DNAH17: variants seen among roughly 807,000 people sequenced by gnomAD.
DNAH17 encodes the protein dynein axonemal heavy chain 17.
A neutral mutation model predicts 485.6 loss-of-function variants in DNAH17; 376 were observed. That is an observed-to-expected ratio of 0.77 (90% CI 0.71 to 0.84). The LOEUF (loss-of-function observed/expected upper bound fraction) is 0.84. Ranked by LOEUF, DNAH17 falls within the 40% of genes least tolerant of loss-of-function variation. The pLI, the probability that DNAH17 is intolerant of heterozygous loss-of-function variation, is 0.00. For missense variants in DNAH17, 6,370 were observed against 5,839.3 expected (o/e 1.09, Z -2.96); for synonymous variants, 3,031 against 2,405.9 (o/e 1.26, Z -7.60).
intron 55 of DNAH17, among the ~76,000 whole-genome samples, chr17:78,467,648 G>A (rs991332038): frequency 6.6e-6 from 1 of 152,200 alleles, no homozygotes; most frequent in Non-Finnish European, 1.5e-5. Context: ...CCCGCAAAGG[G>A]CAGCACCACT....
At chr17:78,463,153 C>T (rs2088226183) in intron 56 of DNAH17, 76 bp from the exon 57 acceptor site, 1 of 1,400,328 alleles carries the variant, frequency 7.1e-7, no homozygotes, top group Non-Finnish European at 9.9e-7. Flanking sequence ...CCAGACTCAC[C>T]AGGGGCCCTG....
intron 27 of DNAH17, among the ~76,000 whole-genome samples, chr17:78,509,642 C>T (rs2090578051): frequency 6.6e-6 from 1 of 152,088 alleles, no homozygotes; most frequent in Admixed American, 6.5e-5. Flanking sequence ...CTGGAACTGC[C>T]GGTAGCCAGT....
chr17:78,537,313 T>G lies in DNAH17; in HGVS notation c.2845A>C (p.Arg949=), dbSNP rs777348876. The change falls in exon 19 of 81, where the codon AGG becomes CGG. Residue 949 remains arginine, a synonymous_variant. Transcript: ENST00000389840. The stretch of plus-strand genomic sequence containing the variant: ...CCAGGACTGACCTTGTAGTTCATCC[T>G]GTCCTTGGCCAGCCGAGGGATGAGC... ...ARLIPRLAKD[R]MNYKMDLEDN... is the part of the protein sequence containing the mutation. 1.9e-6 allele frequency: 3 copies of G among 1,568,778 alleles called. No homozygotes were observed. Among genetic ancestry groups the G allele is most frequent in the Admixed American group, 3.8e-5 (2 of 53,264 alleles).
chr17:78,444,859 C>T, intron 70 of DNAH17, 62 bp from the exon 71 acceptor site: 1 of 1,461,250 alleles, frequency 6.8e-7, no homozygotes, highest in Non-Finnish European at 9.1e-7. Context: ...GAGAGCCTTC[C>T]TGTACAGTTC....
chr17:78,453,960 A>G (rs946751529), intron 64 of DNAH17, among the ~76,000 whole-genome samples: 1 of 152,022 alleles, frequency 6.6e-6, no homozygotes, highest in Non-Finnish European at 1.5e-5. Context: ...CTCCTTCCTC[A>G]GCCTCCCAGA....
rs564220817 is a variant in DNAH17 at position 78,571,802 on chromosome 17, G to A, written c.540-20C>T. On this transcript the variant is annotated intron_variant, in intron 3 of 80. Transcript: ENST00000389840. Reference sequence around the variant, plus strand: ...GGGATCCTGCCCAGTGGAAGGTTGGGGCATTGCTCTCATGGCGACACACAC... The same window carrying A: ...GGGATCCTGCCCAGTGGAAGGTTGGAGCATTGCTCTCATGGCGACACACAC... The A allele has an allele frequency of 9.0e-6, 14 of 1,551,748 alleles. No homozygotes were observed. The African/African-American group carries it at 1.1e-4, about 12-fold the overall frequency.
Position 78,466,550 on chromosome 17 carries a change from G to C in DNAH17, c.8940+105C>G, listed in dbSNP as rs78045293. 2,167 of 1,162,100 alleles carry C rather than the reference G, an allele frequency of 1.9e-3. 22 individuals are homozygous for C. In the East Asian group the frequency reaches 0.024, roughly 13 times the overall value. The allele number at this position is 1,162,100 out of a possible 1,614,324, so 72.0% of individuals were successfully genotyped here. A position where few individuals can be genotyped will look rare whatever the true frequency, so the allele number is the denominator to read the frequency against. On this transcript the variant is annotated intron_variant, in intron 56 of 80. Transcript: ENST00000389840. ...TGAGCCCAAGGCGGACGCCTCACTT[G>C]GCTCACCCTAATCCCAGCGCCCTTT... is the stretch of plus-strand genomic sequence containing the variant.
At chr17:78,545,170 G>A (rs2091725061) in intron 16 of DNAH17, among the ~76,000 whole-genome samples, 1 of 152,172 alleles carries the variant, frequency 6.6e-6, no homozygotes. Flanking sequence ...TCTGGCCAGT[G>A]TTTGATATTT....
chr17:78,555,447 A>C (rs1238728856), intron 14 of DNAH17, among the ~76,000 whole-genome samples: 1 of 150,644 alleles, frequency 6.6e-6, no homozygotes, highest in Non-Finnish European at 1.5e-5. Context: ...CTGTGTTTCT[A>C]ATGAATGGAC....
intron 66 of DNAH17, among the ~76,000 whole-genome samples, 172 bp downstream of exon 66, chr17:78,451,297 G>A (rs921143811): frequency 3.3e-5 from 5 of 152,264 alleles, no homozygotes; most frequent in Admixed American, 2.0e-4. Flanking sequence ...AAGGAAATGA[G>A]CCATCCTGTC....
At position 78,507,676 on chromosome 17, in the gene DNAH17, G is replaced by A; in HGVS notation, c.4366C>T (p.Leu1456=). 1 of 1,613,024 alleles carries A rather than the reference G, an allele frequency of 6.2e-7. No individual in the cohort carries two copies. Among genetic ancestry groups the A allele is most frequent in the South Asian group, 1.1e-5 (1 of 91,066 alleles). The change falls in exon 28 of 81, where the codon CTG becomes TTG. Residue 1456 remains leucine (L), a synonymous_variant. Transcript: ENST00000389840. Reference sequence around the variant, plus strand: ...TACTTGGACATCATCAGGTTCTGCAGCTGCACCTGGTTGTCCTCCAGCGTC... The same window carrying A: ...TACTTGGACATCATCAGGTTCTGCAACTGCACCTGGTTGTCCTCCAGCGTC... ...VETLEDNQVQ[L]QNLMMSKYLA... is the part of the protein sequence containing the mutation.
intron 18 of DNAH17, 115 bp downstream of exon 18, chr17:78,539,621 AT>A (rs1451717071): frequency 1.0e-6 from 1 of 974,352 alleles, no homozygotes. Flanking sequence ...CATAAGATAT[AT>A]TTTAATAAGT....
chr17:78,567,260 G>A (rs1000872743), intron 9 of DNAH17, 94 bp from the exon 10 acceptor site: 1 of 1,407,848 alleles, frequency 7.1e-7, no homozygotes, highest in Non-Finnish European at 9.7e-7. Context: ...AGGAGGAGCT[G>A]GGGAGCAAAA....
intron 16 of DNAH17, among the ~76,000 whole-genome samples, chr17:78,545,183 G>T (rs181466833): frequency 9.2e-5 from 14 of 152,258 alleles, no homozygotes; most frequent in Non-Finnish European, 2.1e-4. Context: ...TGATATTTAC[G>T]TGAGTACTTA....
intron 44 of DNAH17, among the ~76,000 whole-genome samples, chr17:78,486,897 C>G (rs8074921): frequency 6.6e-6 from 1 of 151,428 alleles, no homozygotes; most frequent in Non-Finnish European, 1.5e-5. Flanking sequence ...AGTAAGGGAG[C>G]AGAAAGGAGA....
chr17:78,494,101 C>G lies in DNAH17; in HGVS notation c.6343G>C (p.Glu2115Gln). Residue 2115 changes from glutamate to glutamine, a missense_variant, in exon 41 of 81, where the codon GAG (glutamate) becomes CAG (glutamine). Transcript: ENST00000389840. The part of the protein sequence containing the change: ...DSFVLKVVQL[E>Q]ELLQVRHSVF... ...GAGTGGCGGACCTGCAGCAGCTCCT[C>G]CAGCTGCACCACCTTCAGCACGAAG... 1 of 1,612,810 alleles carries G rather than the reference C, an allele frequency of 6.2e-7. No homozygotes were observed. The highest frequency in any genetic ancestry group is 8.5e-7 in the Non-Finnish European group (1 of 1,179,834).
At chr17:78,460,313 G>A in intron 58 of DNAH17, 56 bp from the exon 59 acceptor site, 3 of 1,198,826 alleles carry the variant, frequency 2.5e-6, no homozygotes, top group Non-Finnish European at 3.4e-6. Flanking sequence ...TGCCTGTGGG[G>A]GCGTGTACGT....
chr17:78,551,823 C>A (rs545128354), intron 15 of DNAH17, among the ~76,000 whole-genome samples, 185 bp from the exon 16 acceptor site: 1 of 152,058 alleles, frequency 6.6e-6, no homozygotes, highest in East Asian at 1.9e-4. Flanking sequence ...ATTAGCTGGG[C>A]ATAGCAGTGG....
chr17:78,441,039 T>C lies in DNAH17; in HGVS notation c.11677+12A>G, dbSNP rs1023295529. 1.1e-5 allele frequency: 17 copies of C among 1,567,944 alleles called. No individual in the cohort carries two copies. Among genetic ancestry groups the C allele is most frequent in the Middle Eastern group, 1.7e-4 (1 of 6,006 alleles). On this transcript the variant is annotated intron_variant, in intron 72 of 80. Transcript: ENST00000389840. Reference sequence around the variant, plus strand: ...TCCGTCTTTGAGAACATCACTTGCCTGCTACACTTACCCAGGGCTTCCACG... The same window carrying C: ...TCCGTCTTTGAGAACATCACTTGCCCGCTACACTTACCCAGGGCTTCCACG...
Sources: gnomAD v4.1 joint callset for allele counts (sites outside exome capture counted in the v4.1 genomes callset) on GRCh38, gnomAD v4.1.1 for gene constraint, MANE v1.5 for transcripts, NCBI Gene and HGNC (gene_info 2026-07-23, HGNC 2026-07-21) for gene names.